The following FMN1 variants were observed in gnomAD, a reference collection of about 807,000 sequenced individuals.
FMN1 encodes formin-1.
A neutral mutation model predicts 132.4 loss-of-function variants in FMN1; 110 were observed. The observed-to-expected ratio is 0.83, with a 90% CI of 0.71 to 0.97. The LOEUF is 0.97. FMN1 is among the 50% of genes least tolerant of loss of function. The probability of loss-of-function intolerance (pLI) is 0.00; values close to 1 mark genes in which losing one functional copy is unlikely to be tolerated. For synonymous variants in FMN1, 722 were observed against 651.7 expected, an observed-to-expected ratio of 1.11 and a Z score of -1.64; for missense variants, 1,792 against 1,705.3, an observed-to-expected ratio of 1.05 and a Z score of -0.90.
chr15:32,792,662 T>G (rs1483279392), intron 19 of FMN1, among the ~76,000 whole-genome samples: 1 of 152,136 alleles, frequency 6.6e-6, no homozygotes, highest in African/African-American at 2.4e-5. Context: ...CTCCCTTGTG[T>G]ATGGCCATGA....
intron 6 of FMN1, among the ~76,000 whole-genome samples, chr15:33,008,867 T>C (rs796524999): frequency 7.9e-5 from 12 of 152,284 alleles, no homozygotes; most frequent in African/African-American, 2.9e-4. Flanking sequence ...GCACACATTT[T>C]TGTGAGATAA....
rs556419256 is a variant in FMN1 at position 32,890,627 on chromosome 15, CTGATT to C, written c.3715-2340_3715-2336del. 3.4e-3 allele frequency among the ~76,000 whole-genome samples: 520 copies of C among 152,260 alleles called. 3 individuals carry two copies. Among genetic ancestry groups the C allele is most frequent in the African/African-American group, 0.012 (488 of 41,556 alleles). On this transcript the variant is annotated intron_variant, in intron 15 of 20. Transcript: ENST00000616417. Reference sequence around the variant, plus strand: ...TTTTGATGAGATTGTTCTTTTCTTACTGATTTGAGTTCACTGTAGATTCTGGATAC... The same window carrying C: ...TTTTGATGAGATTGTTCTTTTCTTACTGAGTTCACTGTAGATTCTGGATAC...
intron 6 of FMN1, among the ~76,000 whole-genome samples, chr15:33,030,405 A>G (rs345871): frequency 0.38 from 58,040 of 152,094 alleles, 11,570 homozygotes; most frequent in Admixed American, 0.48. Flanking sequence ...CTGAATCCCC[A>G]AAGAACTGAA....
At chr15:33,079,138 CAG>C (rs1566896415) in intron 5 of FMN1, among the ~76,000 whole-genome samples, 1 of 152,060 alleles carries the variant, frequency 6.6e-6, no homozygotes, top group Non-Finnish European at 1.5e-5. Context: ...AAGTATAATA[CAG>C]AGTTTTCTCT....
chr15:32,988,267 C>G (rs1407159141), intron 7 of FMN1, among the ~76,000 whole-genome samples: 1 of 151,964 alleles, frequency 6.6e-6, no homozygotes. Context: ...CAATTCTTAA[C>G]CTTGCAGAGA....
chr15:32,941,022 G>C (rs1354621038), intron 9 of FMN1, among the ~76,000 whole-genome samples: 3 of 130,860 alleles, frequency 2.3e-5, no homozygotes, highest in Non-Finnish European at 4.6e-5. Flanking sequence ...TTCCCCAAAA[G>C]CCCCGGCCCA....
rs149433434 is a variant in FMN1 at position 33,048,772 on chromosome 15, G to A, written c.2161+16185C>T. Reference sequence around the variant, plus strand: ...GGCAGGCAAAGAGAGAGTTTGTGCAGGGAAACTTCCACTTATAAAACCATC... The same window carrying A: ...GGCAGGCAAAGAGAGAGTTTGTGCAAGGAAACTTCCACTTATAAAACCATC... On this transcript the variant is annotated intron_variant, in intron 6 of 20. Coordinates refer to ENST00000616417, the MANE Select transcript of FMN1 (RefSeq NM_001277313.2). Among the ~76,000 whole-genome samples the A allele has an allele frequency of 3.4e-3, 510 of 152,158 alleles. 1 individual carries two copies. The highest frequency in any genetic ancestry group is 6.3e-3 in the Admixed American group (96 of 15,296).
At chr15:33,111,326 C>G (rs113129911) in intron 4 of FMN1, among the ~76,000 whole-genome samples, 6 of 152,250 alleles carry the variant, frequency 3.9e-5, no homozygotes, top group African/African-American at 1.4e-4. Flanking sequence ...CAGATAACAA[C>G]AAGTGTTCAT....
chr15:32,918,402 G>T (rs952163811), intron 10 of FMN1, among the ~76,000 whole-genome samples: 2 of 152,180 alleles, frequency 1.3e-5, no homozygotes, highest in Non-Finnish European at 2.9e-5. Context: ...CTCTGATGGA[G>T]TAAGAGACAA....
intron 4 of FMN1, among the ~76,000 whole-genome samples, chr15:33,126,666 G>C (rs1566939428): frequency 1.2e-5 from 1 of 85,076 alleles, no homozygotes. Context: ...AGCATGCCCA[G>C]AATGGGACCA....
intron 5 of FMN1, among the ~76,000 whole-genome samples, chr15:33,075,020 CAAAAAAAAAAAAAAAA>C (rs57504432): frequency 1.8e-4 from 11 of 61,662 alleles, no homozygotes; most frequent in Non-Finnish European, 2.5e-4. Context: ...GATTCCATCT[CAAAAAAAAAAAAAAAA>C]AAAAAAAAAA....
intron 4 of FMN1, among the ~76,000 whole-genome samples, chr15:33,101,064 A>G (rs937988937): frequency 6.6e-6 from 1 of 152,130 alleles, no homozygotes; most frequent in African/African-American, 2.4e-5. Context: ...GGACTTTCTA[A>G]ATTTCATTTA....
intron 6 of FMN1, among the ~76,000 whole-genome samples, chr15:33,061,801 A>G (rs923846562): frequency 3.3e-5 from 5 of 152,156 alleles, no homozygotes; most frequent in African/African-American, 1.2e-4. Context: ...CTGGTATGGA[A>G]TTAATTAGCA....
intron 19 of FMN1, among the ~76,000 whole-genome samples, chr15:32,795,789 C>T (rs929549872): frequency 3.3e-5 from 5 of 152,142 alleles, no homozygotes; most frequent in African/African-American, 9.7e-5. Context: ...TAGAAAGTGG[C>T]GCTTTTGGAT....
intron 17 of FMN1, among the ~76,000 whole-genome samples, chr15:32,808,297 G>C (rs1217300081): frequency 6.6e-6 from 1 of 152,224 alleles, no homozygotes; most frequent in Non-Finnish European, 1.5e-5. Flanking sequence ...AACCCTAGCT[G>C]TGTCACCTGA....
rs148725636 is a variant in FMN1 at position 33,078,348 on chromosome 15, G to C, written c.2043+10451C>G. Among the ~76,000 whole-genome samples the C allele has an allele frequency of 2.8e-3, 432 of 152,228 alleles. 1 individual carries two copies. The highest frequency in any genetic ancestry group is 0.01 in the African/African-American group (418 of 41,528). On this transcript the variant is annotated intron_variant, in intron 5 of 20. Transcript: ENST00000616417. Reference sequence around the variant, plus strand: ...GGAGGAACCATTTTTCCATGGTTTTGAAATGTATTCACTATTGCCTCCATG... The same window carrying C: ...GGAGGAACCATTTTTCCATGGTTTTCAAATGTATTCACTATTGCCTCCATG...
intron 6 of FMN1, among the ~76,000 whole-genome samples, chr15:33,028,949 A>G (rs975143357): frequency 4.6e-5 from 7 of 152,240 alleles, no homozygotes; most frequent in Non-Finnish European, 8.8e-5. Flanking sequence ...GAAAACAGAT[A>G]AATTTGCCAC....
chr15:32,953,390 A>C (rs2140512662), intron 9 of FMN1, among the ~76,000 whole-genome samples: 1 of 152,256 alleles, frequency 6.6e-6, no homozygotes, highest in Admixed American at 6.5e-5. Flanking sequence ...CTGAGGCATA[A>C]CTCAGAGTCA....
chr15:32,830,416 A>C (rs983512403), intron 17 of FMN1, among the ~76,000 whole-genome samples: 6 of 152,150 alleles, frequency 3.9e-5, no homozygotes, highest in Admixed American at 3.3e-4. Context: ...TAGTGGTTGA[A>C]ATAGTTTAAT....
Sources: gnomAD v4.1 joint callset for allele counts (sites outside exome capture counted in the v4.1 genomes callset) on GRCh38, gnomAD v4.1.1 for gene constraint, MANE v1.5 for transcripts, NCBI Gene and HGNC (gene_info 2026-07-23, HGNC 2026-07-21) for gene names.